CEMIP2: variants seen among roughly 807,000 people sequenced by gnomAD.
CEMIP2 encodes cell surface hyaluronidase CEMIP2.
CEMIP2 carries 79 observed loss-of-function variants against 146.9 expected under a neutral mutation model. That is an observed-to-expected ratio of 0.54 (90% confidence interval 0.45 to 0.65). The LOEUF is 0.65. Among genes scored for constraint, CEMIP2 ranks in the 30% least tolerant of loss-of-function variants. CEMIP2 has a pLI of 0.00. For missense variants in CEMIP2, 1,596 were observed against 1,696.2 expected, an observed-to-expected ratio of 0.94 and a Z score of 1.04; for synonymous variants, 601 against 606.3, an observed-to-expected ratio of 0.99 and a Z score of 0.13.
chr9:71,722,580 A>T, intron 11 of CEMIP2, 65 bp from the exon 12 acceptor site: 2 of 1,276,674 alleles, frequency 1.6e-6, no homozygotes, highest in Non-Finnish European at 1.1e-6. Flanking sequence ...ATATACAATG[A>T]TTCATGAAAA....
chr9:71,725,027 T>G (rs1423128653), intron 11 of CEMIP2, among the ~76,000 whole-genome samples: 1 of 152,198 alleles, frequency 6.6e-6, no homozygotes, highest in Non-Finnish European at 1.5e-5. Flanking sequence ...GTGTTGCACA[T>G]ACCTGTATGC....
At chr9:71,714,621 GA>G (rs141379419) in intron 15 of CEMIP2, among the ~76,000 whole-genome samples, 8,681 of 151,358 alleles carry the variant, frequency 0.057, 270 homozygotes, top group South Asian at 0.069. Flanking sequence ...CAAGAAGGAA[GA>G]AAAAAAACAG....
intron 1 of CEMIP2, among the ~76,000 whole-genome samples, chr9:71,756,221 T>G (rs879472430): frequency 6.4e-3 from 676 of 104,972 alleles, no homozygotes; most frequent in South Asian, 0.011. Flanking sequence ...ATAGGCTATA[T>G]ATATATGTAT....
intron 20 of CEMIP2, among the ~76,000 whole-genome samples, chr9:71,696,883 G>GAAA (rs56785036): frequency 1.4e-5 from 2 of 147,328 alleles, no homozygotes; most frequent in Non-Finnish European, 1.5e-5. Flanking sequence ...TATAAATAAT[G>GAAA]AAAAAAAAAA....
Position 71,684,577 on chromosome 9 carries a change from A to G in CEMIP2, c.*620T>C, listed in dbSNP as rs1821997958. On this transcript the variant is annotated 3_prime_UTR_variant, in exon 24 of 24. Coordinates refer to ENST00000377044, the MANE Select transcript of CEMIP2 (RefSeq NM_013390.3). ...AATCCCCAAGAGCCCTTTTGTCCCA[A>G]TATACTTCCTGTTTGAAAGTTTAAC... 6.6e-6 allele frequency: 1 copy of G among 152,628 alleles called. No individual in the cohort carries two copies. Among genetic ancestry groups the G allele is most frequent in the African/African-American group, 2.4e-5 (1 of 41,454 alleles). The allele number at this position is 152,628 out of a possible 1,614,324, so 9.5% of individuals were successfully genotyped here. A position where few individuals can be genotyped will look rare whatever the true frequency, so the allele number is the denominator to read the frequency against.
At position 71,761,808 on chromosome 9, in the gene CEMIP2, G is replaced by A. The variant is rs569959826; in HGVS notation, c.-13+6549C>T. Among the ~76,000 whole-genome samples the A allele has an allele frequency of 3.3e-5, 5 of 152,312 alleles. No individual in the cohort carries two copies. In the East Asian group the frequency reaches 9.6e-4, roughly 29 times the overall value. On this transcript the variant is annotated intron_variant, in intron 1 of 23. Transcript: ENST00000377044. Reference sequence around the variant, plus strand: ...ACACAAGTAAACAAGTAATTAAACTGAATGTTGAGGCAAAGAAGGTGGGCT... The same window carrying A: ...ACACAAGTAAACAAGTAATTAAACTAAATGTTGAGGCAAAGAAGGTGGGCT...
chr9:71,734,007 G>C (rs895137586), intron 6 of CEMIP2, among the ~76,000 whole-genome samples: 1 of 151,938 alleles, frequency 6.6e-6, no homozygotes, highest in Non-Finnish European at 1.5e-5. Flanking sequence ...ACCATGCCTG[G>C]CTAATGTTTT....
At chr9:71,760,273 C>T (rs1014557698) in intron 1 of CEMIP2, among the ~76,000 whole-genome samples, 2 of 152,172 alleles carry the variant, frequency 1.3e-5, no homozygotes, top group African/African-American at 4.8e-5. Context: ...AGATGAGCAA[C>T]TTAGCCACAG....
intron 11 of CEMIP2, among the ~76,000 whole-genome samples, chr9:71,723,282 C>T (rs142626250): frequency 1.4e-3 from 209 of 149,930 alleles, no homozygotes; most frequent in East Asian, 0.012. Flanking sequence ...ATTTAATAAA[C>T]GCATTGTAAC....
rs766422778 is a variant in CEMIP2 at position 71,704,718 on chromosome 9, C to A, written c.3071G>T (p.Gly1024Val). ...EYPSNPMVLRGINQKAAFPQY... is the reference protein window; with the variant it reads ...EYPSNPMVLRVINQKAAFPQY... Reference sequence around the variant, plus strand: ...TGGAAAGGCAGCCTTCTGATTAATACCTCGGAGCACCATAGGGTTGGACGG... The same window carrying A: ...TGGAAAGGCAGCCTTCTGATTAATAACTCGGAGCACCATAGGGTTGGACGG... The change falls in exon 18 of 24, where the codon GGT (glycine) becomes GTT (valine). Residue 1024 changes from glycine (G) to valine (V), a missense_variant. Physicochemically the swap from Gly to Val is moderately radical, Grantham distance 109. Transcript: ENST00000377044. 6.2e-7 allele frequency: 1 copy of A among 1,614,126 alleles called. No individual in the cohort carries two copies. Among genetic ancestry groups the A allele is most frequent in the South Asian group, 1.1e-5 (1 of 91,086 alleles).
intron 15 of CEMIP2, 51 bp from the exon 16 acceptor site, chr9:71,712,311 GCACTT>G (rs747417792): frequency 7.8e-6 from 12 of 1,545,830 alleles, no homozygotes; most frequent in Non-Finnish European, 1.1e-5. Context: ...CCCCTTAGCA[GCACTT>G]CACTTACTTG....
chr9:71,726,983 G>A (rs938024625), intron 10 of CEMIP2, among the ~76,000 whole-genome samples: 1 of 152,132 alleles, frequency 6.6e-6, no homozygotes, highest in South Asian at 2.1e-4. Context: ...GTCAACACAG[G>A]TAAAAGGAGC....
intron 1 of CEMIP2, among the ~76,000 whole-genome samples, chr9:71,751,262 C>T (rs1824245072): frequency 6.6e-6 from 1 of 152,122 alleles, no homozygotes; most frequent in Non-Finnish European, 1.5e-5. Context: ...TTTTTCCCAG[C>T]CCCTGGTAAC....
chr9:71,690,336 C>G, intron 21 of CEMIP2, 90 bp from the exon 22 acceptor site: 1 of 1,432,254 alleles, frequency 7.0e-7, no homozygotes, highest in South Asian at 1.3e-5. Context: ...CCTGTGTCTT[C>G]TAAACCCATG....
Position 71,695,838 on chromosome 9 carries a change from G to A in CEMIP2, c.3598-1231C>T, listed in dbSNP as rs368013916. The stretch of plus-strand genomic sequence containing the variant: ...TGACAGTCAGAACAAAAATTAGGCC[G>A]GGCATGGTGGTTCACATCTGTAATC... On this transcript the variant is annotated intron_variant, in intron 20 of 23. Coordinates refer to ENST00000377044, the MANE Select transcript of CEMIP2 (RefSeq NM_013390.3). Among the ~76,000 whole-genome samples, 85 of 152,064 alleles carry A rather than the reference G, an allele frequency of 5.6e-4. No homozygotes were observed. In the Middle Eastern group the frequency reaches 0.017, roughly 30 times the overall value.
intron 17 of CEMIP2, among the ~76,000 whole-genome samples, chr9:71,706,701 G>C (rs1049068371): frequency 2.0e-5 from 3 of 152,086 alleles, no homozygotes; most frequent in Admixed American, 6.6e-5. Context: ...GTTTTCATTA[G>C]TGTGTACCTG....
intron 5 of CEMIP2, among the ~76,000 whole-genome samples, chr9:71,738,990 C>A (rs940088273): frequency 6.6e-6 from 1 of 151,998 alleles, no homozygotes; most frequent in Non-Finnish European, 1.5e-5. Flanking sequence ...AAAAGAAAAT[C>A]CTGTCTCGGA....
At chr9:71,763,672 C>T (rs943917850) in intron 1 of CEMIP2, among the ~76,000 whole-genome samples, 1 of 152,150 alleles carries the variant, frequency 6.6e-6, no homozygotes, top group Non-Finnish European at 1.5e-5. Flanking sequence ...CACTTTTCAC[C>T]GTGTAAAGAA....
chr9:71,689,979 A>G (rs756139346), intron 22 of CEMIP2, 113 bp downstream of exon 22: 19 of 1,308,130 alleles, frequency 1.5e-5, no homozygotes, highest in Non-Finnish European at 1.6e-5. Flanking sequence ...CACCTTGCAT[A>G]GTGCCCTGAA....
Sources: gnomAD v4.1 joint callset for allele counts (sites outside exome capture counted in the v4.1 genomes callset) on GRCh38, gnomAD v4.1.1 for gene constraint, MANE v1.5 for transcripts, NCBI Gene and HGNC (gene_info 2026-07-23, HGNC 2026-07-21) for gene names.